The following EGF variants were observed in gnomAD, a reference collection of about 807,000 sequenced individuals.
The protein encoded by EGF is epidermal growth factor, also known as pro-epidermal growth factor.
EGF carries 95 observed loss-of-function variants against 143.8 expected under a neutral mutation model. The observed-to-expected ratio is 0.66, with a 90% CI of 0.56 to 0.78. EGF has a LOEUF of 0.78. EGF is among the 30% of genes least tolerant of loss of function. The probability of loss-of-function intolerance (pLI) is 0.00; values close to 1 mark genes in which losing one functional copy is unlikely to be tolerated. For missense variants in EGF, 1,320 were observed against 1,470.9 expected (o/e 0.90, Z 1.68); for synonymous variants, 510 against 510.5 (o/e 1.00, Z 0.01).
intron 1 of EGF, among the ~76,000 whole-genome samples, chr4:109,927,499 C>T (rs1468172711): frequency 1.3e-5 from 2 of 151,760 alleles, no homozygotes; most frequent in Admixed American, 6.6e-5. Context: ...CCGAGGCAGG[C>T]GGATCACGAG....
intron 3 of EGF, 61 bp downstream of exon 3, chr4:109,943,496 A>T: frequency 6.4e-7 from 1 of 1,555,954 alleles, no homozygotes; most frequent in South Asian, 1.1e-5. Flanking sequence ...GATTGATAGA[A>T]TTATAACATT....
chr4:110,013,696 A>G lies in EGF; in HGVS notation c.*2241A>G, dbSNP rs1318630247. On this transcript the variant is annotated 3_prime_UTR_variant, in exon 24 of 24. Coordinates refer to ENST00000265171, the MANE Select transcript of EGF (RefSeq NM_001963.6). ...TGATTGAGCTTCTGTTTGACTAAAT[A>G]TCACCTACTATGTAAAAAATGAGCA... is the stretch of plus-strand genomic sequence containing the variant. Among the ~76,000 whole-genome samples, 2 of 152,060 alleles carry G rather than the reference A, an allele frequency of 1.3e-5. No individual in the cohort carries two copies. The highest frequency in any genetic ancestry group is 4.8e-5 in the African/African-American group (2 of 41,412).
Position 109,914,870 on chromosome 4 carries a change from G to A in EGF, c.127+1408G>A, listed in dbSNP as rs147737636. Among the ~76,000 whole-genome samples, 229 of 152,298 alleles carry A rather than the reference G, an allele frequency of 1.5e-3. 1 individual carries two copies. The highest frequency in any genetic ancestry group is 2.9e-3 in the Admixed American group (45 of 15,298). ...CTTTGGGGTGGGAGAATTTTCCGTGGAGTAGTTGGCAAATATCTAGAGTTG... is the reference window on the plus strand; with the variant it reads ...CTTTGGGGTGGGAGAATTTTCCGTGAAGTAGTTGGCAAATATCTAGAGTTG... On this transcript the variant is annotated intron_variant, in intron 1 of 23. Transcript: ENST00000265171.
chr4:109,962,927 C>G (rs1745936669), intron 8 of EGF, among the ~76,000 whole-genome samples: 1 of 151,850 alleles, frequency 6.6e-6, no homozygotes, highest in South Asian at 2.1e-4. Flanking sequence ...ATCAACCAGG[C>G]ATGGTGGCGG....
At chr4:109,921,733 G>A (rs554402625) in intron 1 of EGF, among the ~76,000 whole-genome samples, 1 of 151,480 alleles carries the variant, frequency 6.6e-6, no homozygotes, top group South Asian at 2.1e-4. Context: ...ACAGCATCAC[G>A]GCAGCTGCCT....
At chr4:109,968,673 C>CATCTATCTATGT (rs373493222) in intron 10 of EGF, 61 of 351,252 alleles carry the variant, frequency 1.7e-4, no homozygotes, top group African/African-American at 1.2e-3. Context: ...TATCTATATA[C>CATCTATCTATGT]ATCTATCTAT....
Position 109,980,984 on chromosome 4 carries a change from A to G in EGF, c.2371+9A>G, listed in dbSNP as rs201908198. On this transcript the variant is annotated intron_variant, in intron 15 of 23. Transcript: ENST00000265171. The stretch of plus-strand genomic sequence containing the variant: ...TCATCAGCTGTTGGCAGGTAATATA[A>G]TAAATTATGTGGCAAATTACCTAAC... 458 of 1,614,084 alleles carry G rather than the reference A, an allele frequency of 2.8e-4. No homozygotes were observed. The highest frequency in any genetic ancestry group is 3.7e-4 in the Non-Finnish European group (435 of 1,179,952).
At chr4:109,935,168 C>T (rs1303982827) in intron 1 of EGF, among the ~76,000 whole-genome samples, 16 of 152,154 alleles carry the variant, frequency 1.1e-4, no homozygotes, top group Admixed American at 1.3e-4. Context: ...GCCATTTTCA[C>T]GATATTGATT....
At chr4:110,001,669 A>G in intron 21 of EGF, 2 of 985,442 alleles carry the variant, frequency 2.0e-6, no homozygotes, top group Non-Finnish European at 2.4e-6. Flanking sequence ...AGCTAACGGC[A>G]AATTGCTGGC....
chr4:109,954,563 A>G (rs548459818), intron 5 of EGF, among the ~76,000 whole-genome samples: 26 of 152,214 alleles, frequency 1.7e-4, no homozygotes, highest in African/African-American at 4.6e-4. Flanking sequence ...AAACTTCTAT[A>G]CTGTTCAGTT....
chr4:109,969,222 G>A (rs1747174832), intron 11 of EGF, 103 bp downstream of exon 11: 1 of 1,529,936 alleles, frequency 6.5e-7, no homozygotes. Context: ...AATGTTGCTG[G>A]GCATTTGGTT....
chr4:109,964,350 A>C, intron 9 of EGF, 51 bp from the exon 10 acceptor site: 1 of 1,612,644 alleles, frequency 6.2e-7, no homozygotes, highest in Non-Finnish European at 8.5e-7. Flanking sequence ...GATGCCTCTT[A>C]GTTTCTAAGG....
intron 15 of EGF, 113 bp downstream of exon 15, chr4:109,981,088 T>C (rs952240248): frequency 4.1e-6 from 6 of 1,470,752 alleles, no homozygotes; most frequent in Non-Finnish European, 5.7e-6. Flanking sequence ...AAAGTTCTCC[T>C]GTTTTTAGGA....
At chr4:109,940,615 T>G (rs1450440010) in intron 1 of EGF, among the ~76,000 whole-genome samples, 1 of 152,222 alleles carries the variant, frequency 6.6e-6, no homozygotes, top group Non-Finnish European at 1.5e-5. Flanking sequence ...ATAAATCCTT[T>G]CCACAATAGA....
At chr4:109,962,661 A>G (rs1401317902) in intron 8 of EGF, among the ~76,000 whole-genome samples, 1 of 152,222 alleles carries the variant, frequency 6.6e-6, no homozygotes, top group Admixed American at 6.5e-5. Context: ...TGAAGGATTA[A>G]CATCCAAGAT....
chr4:109,970,504 G>A (rs1747389716), intron 11 of EGF, among the ~76,000 whole-genome samples: 1 of 152,078 alleles, frequency 6.6e-6, no homozygotes, highest in Non-Finnish European at 1.5e-5. Context: ...TTGGGGGTAG[G>A]CATTTTGTGT....
chr4:109,983,586 T>C, intron 16 of EGF, 45 bp downstream of exon 16: 5 of 1,611,970 alleles, frequency 3.1e-6, no homozygotes, highest in Non-Finnish European at 4.2e-6. Context: ...TCCAACAGTT[T>C]CCATCCTACC....
At chr4:109,993,211 C>A in intron 18 of EGF, 36 bp from the exon 19 acceptor site, 1 of 1,612,030 alleles carries the variant, frequency 6.2e-7, no homozygotes, top group East Asian at 2.2e-5. Context: ...TTTCTGTACC[C>A]CACTTTTCTC....
At position 109,968,933 on chromosome 4, in the gene EGF, T is replaced by TA. The variant is rs11568980; in HGVS notation, c.1576-29dup. 2.8e-4 allele frequency: 451 copies of TA among 1,604,272 alleles called. 1 individual carries two copies. The highest frequency in any genetic ancestry group is 2.4e-3 in the African/African-American group (177 of 74,646). ...ATTTGTATATATTCCACATTAGTTTTAAAAAAAAATCAGAAATGCCTGTGT... is the reference window on the plus strand; with the variant it reads ...ATTTGTATATATTCCACATTAGTTTTAAAAAAAAAATCAGAAATGCCTGTGT... On this transcript the variant is annotated intron_variant, in intron 10 of 23. Coordinates refer to ENST00000265171, the MANE Select transcript of EGF (RefSeq NM_001963.6).
Sources: gnomAD v4.1 joint callset for allele counts (sites outside exome capture counted in the v4.1 genomes callset) on GRCh38, gnomAD v4.1.1 for gene constraint, MANE v1.5 for transcripts, NCBI Gene and HGNC (gene_info 2026-07-23, HGNC 2026-07-21) for gene names.